Variants in CYTH3 observed in about 807,000 individuals in gnomAD.
The protein encoded by CYTH3 is cytohesin-3.
CYTH3 carries 23 observed loss-of-function variants against 55.1 expected under a neutral mutation model. The ratio of observed to expected loss-of-function variants is 0.42; its 90% CI spans 0.30 to 0.59. The LOEUF is 0.59. CYTH3 is among the 20% of genes least tolerant of loss of function. The pLI is 0.20. For missense variants in CYTH3, 413 were observed against 524.8 expected (o/e 0.79, Z 2.08); for synonymous variants, 249 against 194.9 (o/e 1.28, Z -2.31).
chr7:6,162,494 T>C lies in CYTH3; in HGVS notation c.*2450A>G, dbSNP rs1260214121. On this transcript the variant is annotated 3_prime_UTR_variant, in exon 13 of 13. Transcript: ENST00000350796. The stretch of plus-strand genomic sequence containing the variant: ...AGGGACAAAAAACAGATGTGTCCTG[T>C]TTCAGGGCCGTCCTGGTAGCGGCTG... 1 of 152,270 alleles carries C rather than the reference T, an allele frequency of 6.6e-6. No homozygotes were observed. Among genetic ancestry groups the C allele is most frequent in the Non-Finnish European group, 1.5e-5 (1 of 68,054 alleles). The allele number at this position is 152,270 out of a possible 1,614,324, so 9.4% of individuals were successfully genotyped here.
chr7:6,230,496 C>T (rs1779363676), intron 1 of CYTH3, among the ~76,000 whole-genome samples: 1 of 152,268 alleles, frequency 6.6e-6, no homozygotes, highest in Admixed American at 6.5e-5. Context: ...ACTCTATTAG[C>T]CACCAGACTT....
chr7:6,248,474 C>A (rs2115044556), intron 1 of CYTH3, among the ~76,000 whole-genome samples: 1 of 152,318 alleles, frequency 6.6e-6, no homozygotes, highest in African/African-American at 2.4e-5. Flanking sequence ...CTGCATCTAA[C>A]TCTCCCTGTC....
rs145387762 is a variant in CYTH3 at position 6,252,390 on chromosome 7, G to A, written c.34+20084C>T. Among the ~76,000 whole-genome samples, 484 of 152,208 alleles carry A rather than the reference G, an allele frequency of 3.2e-3. 4 individuals are homozygous for A. The South Asian group carries it at 0.041, about 13-fold the overall frequency. ...CACATATACTCTCTGGTTACGTGGC[G>A]TGTACATAATTAAAAGGGAAAATTA... is the stretch of plus-strand genomic sequence containing the variant. On this transcript the variant is annotated intron_variant, in intron 1 of 12. Transcript: ENST00000350796.
At chr7:6,259,798 T>TATA (rs1554255127) in intron 1 of CYTH3, among the ~76,000 whole-genome samples, 13 of 24,900 alleles carry the variant, frequency 5.2e-4, no homozygotes, top group Non-Finnish European at 6.1e-4. Flanking sequence ...TATATATATA[T>TATA]ATATATATAT....
At chr7:6,221,436 G>A (rs147330093) in intron 1 of CYTH3, among the ~76,000 whole-genome samples, 8 of 152,322 alleles carry the variant, frequency 5.3e-5, no homozygotes, top group African/African-American at 1.9e-4. Context: ...GAAGACAACT[G>A]GGGTAGTAGG....
At position 6,272,618 on chromosome 7, in the gene CYTH3, G is replaced by C. The variant is rs1481831915; in HGVS notation, c.-111C>G. 6.7e-5 allele frequency: 54 copies of C among 805,470 alleles called. No individual in the cohort carries two copies. Among genetic ancestry groups the C allele is most frequent in the Non-Finnish European group, 8.3e-5 (54 of 654,242 alleles). The allele number at this position is 805,470 out of a possible 1,614,324, so 49.9% of individuals were successfully genotyped here. On this transcript the variant is annotated 5_prime_UTR_variant, in exon 1 of 13. Coordinates refer to ENST00000350796, the MANE Select transcript of CYTH3 (RefSeq NM_004227.4). ...GCGACCGGGCGGCTCCTCAGCGCGC[G>C]GCCCGGGTCGCGGCCGGGCCTCCTC...
At chr7:6,186,198 C>A (rs911551076) in intron 4 of CYTH3, among the ~76,000 whole-genome samples, 1 of 145,932 alleles carries the variant, frequency 6.9e-6, no homozygotes, top group East Asian at 2.1e-4. Flanking sequence ...GAGCCAAGAT[C>A]GTGCCACTGC....
intron 1 of CYTH3, among the ~76,000 whole-genome samples, chr7:6,200,558 A>T (rs951961666): frequency 6.6e-6 from 1 of 152,182 alleles, no homozygotes; most frequent in African/African-American, 2.4e-5. Flanking sequence ...AATCAATACT[A>T]ATTTTTGTTG....
chr7:6,175,844 C>A (rs944341716), intron 5 of CYTH3, among the ~76,000 whole-genome samples: 13 of 152,106 alleles, frequency 8.5e-5, no homozygotes, highest in African/African-American at 3.1e-4. Context: ...CCGTGCCTGG[C>A]CACTTTATTT....
At chr7:6,194,417 C>A (rs1016136191) in intron 1 of CYTH3, among the ~76,000 whole-genome samples, 1 of 152,090 alleles carries the variant, frequency 6.6e-6, no homozygotes, top group African/African-American at 2.4e-5. Context: ...TGCATCCCAG[C>A]CTGGGTGACA....
intron 1 of CYTH3, among the ~76,000 whole-genome samples, chr7:6,212,043 A>C (rs1784330117): frequency 6.6e-6 from 1 of 152,044 alleles, no homozygotes; most frequent in Admixed American, 6.6e-5. Flanking sequence ...CTTTCTAACT[A>C]ATTTTTTGTG....
intron 4 of CYTH3, 145 bp from the exon 5 acceptor site, chr7:6,178,086 G>C (rs1356064134): frequency 3.3e-6 from 2 of 602,588 alleles, no homozygotes; most frequent in East Asian, 2.7e-5. Flanking sequence ...TGCACAATCT[G>C]ATTTTCCCAA....
chr7:6,215,935 A>G (rs114488028), intron 1 of CYTH3, among the ~76,000 whole-genome samples: 9 of 152,214 alleles, frequency 5.9e-5, no homozygotes, highest in South Asian at 2.1e-4. Flanking sequence ...CCTGAATTCT[A>G]TATCTGGTGA....
chr7:6,266,559 G>A (rs779758773), intron 1 of CYTH3, among the ~76,000 whole-genome samples: 9 of 152,164 alleles, frequency 5.9e-5, no homozygotes, highest in East Asian at 1.9e-4. Context: ...TATCTCTCCC[G>A]CTTCACTGTC....
At chr7:6,231,369 C>G (rs542769554) in intron 1 of CYTH3, among the ~76,000 whole-genome samples, 4 of 152,278 alleles carry the variant, frequency 2.6e-5, no homozygotes, top group African/African-American at 9.6e-5. Context: ...AGAGTGAGCA[C>G]GAAGACTCCA....
At chr7:6,218,145 C>T (rs1435115100) in intron 1 of CYTH3, among the ~76,000 whole-genome samples, 3 of 152,248 alleles carry the variant, frequency 2.0e-5, no homozygotes, top group African/African-American at 4.8e-5. Context: ...ACACCACACT[C>T]CAGCCTGGGC....
intron 1 of CYTH3, among the ~76,000 whole-genome samples, chr7:6,206,057 G>C (rs564590807): frequency 1.9e-4 from 29 of 152,048 alleles, no homozygotes; most frequent in African/African-American, 6.3e-4. Flanking sequence ...AAAACAGTTT[G>C]GCAGTTCTTC....
rs1188576292 is a variant in CYTH3 at position 6,234,940 on chromosome 7, G to C, written c.34+37534C>G. On this transcript the variant is annotated intron_variant, in intron 1 of 12. Transcript: ENST00000350796. Reference sequence around the variant, plus strand: ...TTCAGTTATCAATGGTTCTTCCCCAGCTACTCAGCAAGAAAATGAGAGCCT... The same window carrying C: ...TTCAGTTATCAATGGTTCTTCCCCACCTACTCAGCAAGAAAATGAGAGCCT... Among the ~76,000 whole-genome samples the C allele has an allele frequency of 2.0e-5, 3 of 152,192 alleles. No homozygotes were observed. The East Asian group carries it at 5.8e-4, about 29-fold the overall frequency.
intron 1 of CYTH3, among the ~76,000 whole-genome samples, chr7:6,191,170 A>G (rs985878456): frequency 6.6e-6 from 1 of 152,084 alleles, no homozygotes; most frequent in Admixed American, 6.6e-5. Flanking sequence ...GGCTAAATTC[A>G]GGCACGGTGG....
Sources: gnomAD v4.1 joint callset for allele counts (sites outside exome capture counted in the v4.1 genomes callset) on GRCh38, gnomAD v4.1.1 for gene constraint, MANE v1.5 for transcripts, NCBI Gene and HGNC (gene_info 2026-07-23, HGNC 2026-07-21) for gene names.